The following RTL4 variants were observed in gnomAD, a reference collection of about 807,000 sequenced individuals.
The protein encoded by RTL4 is retrotransposon Gag like 4.
A neutral mutation model predicts 5.3 loss-of-function variants in RTL4; 4 were observed. The observed-to-expected ratio is 0.75, with a 90% confidence interval of 0.37 to 1.72. The LOEUF is 1.72. RTL4 is among the 40% of genes most tolerant of loss of function. The probability of loss-of-function intolerance (pLI) is 0.04; values close to 1 mark genes in which losing one functional copy is unlikely to be tolerated. For missense variants in RTL4, 260 were observed against 227.1 expected (o/e 1.14, Z -0.93); for synonymous variants, 98 against 87.3 (o/e 1.12, Z -0.68).
chrX:112,412,487 G>A, the RTL4 span, among the ~76,000 whole-genome samples: 1 of 111,243 alleles, frequency 9.0e-6, no homozygotes, highest in Admixed American at 9.6e-5. Context: ...AAACAGCATG[G>A]TACCAGCATA....
the RTL4 span, among the ~76,000 whole-genome samples, chrX:112,358,104 T>C: frequency 9.9e-4 from 110 of 110,812 alleles, no homozygotes; most frequent in Non-Finnish European, 4.2e-4. Context: ...TCTTTCTTTT[T>C]TACTTATTTA....
the RTL4 span, among the ~76,000 whole-genome samples, chrX:112,152,260 G>A: frequency 8.9e-6 from 1 of 111,829 alleles, no homozygotes; most frequent in African/African-American, 3.2e-5. Flanking sequence ...AACATTCTAC[G>A]ACTTGAAATG....
chrX:112,302,322 C>T, the RTL4 span, among the ~76,000 whole-genome samples: 1 of 109,917 alleles, frequency 9.1e-6, no homozygotes, highest in African/African-American at 3.3e-5. Context: ...GTTTAAGTCC[C>T]TAGCTCTGGC....
the RTL4 span, among the ~76,000 whole-genome samples, chrX:112,318,018 C>G: frequency 8.9e-6 from 1 of 112,304 alleles, no homozygotes; most frequent in African/African-American, 3.2e-5. Context: ...CAACAACACA[C>G]AGCACTTATT....
chrX:112,227,143 G>T, the RTL4 span, among the ~76,000 whole-genome samples: 1 of 110,739 alleles, frequency 9.0e-6, no homozygotes, highest in Non-Finnish European at 1.9e-5. Flanking sequence ...TTTGGTCAGG[G>T]CTGCCAGCAC....
At chrX:112,117,478 CA>C in the RTL4 span, among the ~76,000 whole-genome samples, 1 of 110,734 alleles carries the variant, frequency 9.0e-6, no homozygotes, top group South Asian at 3.7e-4. Flanking sequence ...ATACCCTTAA[CA>C]TATACTAAGC....
chrX:112,094,091 G>T, the RTL4 span, among the ~76,000 whole-genome samples: 1 of 111,725 alleles, frequency 9.0e-6, no homozygotes, highest in Non-Finnish European at 1.9e-5. Flanking sequence ...TGGTGGGGAA[G>T]AAGAGTAGAA....
chrX:112,389,346 A>C, the RTL4 span, among the ~76,000 whole-genome samples: 2 of 108,447 alleles, frequency 1.8e-5, no homozygotes, highest in Admixed American at 9.8e-5. Context: ...AAAAAAAAAA[A>C]CAACTCCTGG....
the RTL4 span, among the ~76,000 whole-genome samples, chrX:112,376,444 C>G: frequency 1.8e-5 from 2 of 111,307 alleles, no homozygotes; most frequent in Non-Finnish European, 3.8e-5. Flanking sequence ...TAGTTATTTC[C>G]CAAGATCCAG....
the RTL4 span, among the ~76,000 whole-genome samples, chrX:112,099,278 A>T: frequency 8.9e-6 from 1 of 112,030 alleles, no homozygotes; most frequent in African/African-American, 3.2e-5. Flanking sequence ...AGGGAAATAG[A>T]TGCTACGAAA....
At chrX:112,350,500 C>T in the RTL4 span, among the ~76,000 whole-genome samples, 2 of 110,244 alleles carry the variant, frequency 1.8e-5, no homozygotes, top group Non-Finnish European at 3.8e-5. Flanking sequence ...GTCCTGGACT[C>T]TTTTTGGTTG....
At chrX:112,192,809 T>C in the RTL4 span, among the ~76,000 whole-genome samples, 3 of 111,918 alleles carry the variant, frequency 2.7e-5, no homozygotes, top group Middle Eastern at 4.7e-3. Context: ...ATATTGATAC[T>C]ATCTTTTGTA....
upstream of RTL4, among the ~76,000 whole-genome samples, chrX:112,450,315 TG>T (rs1926713834): frequency 1.8e-5 from 2 of 112,468 alleles, no homozygotes; most frequent in East Asian, 2.8e-4. Flanking sequence ...ACCCATTTTT[TG>T]TTTTTGTAGT....
chrX:112,204,387 T>C, the RTL4 span, among the ~76,000 whole-genome samples: 1 of 112,216 alleles, frequency 8.9e-6, no homozygotes, highest in African/African-American at 3.2e-5. Flanking sequence ...TGCAGCACTG[T>C]TCACAATAGC....
At chrX:112,229,137 A>G in the RTL4 span, among the ~76,000 whole-genome samples, 3 of 112,116 alleles carry the variant, frequency 2.7e-5, no homozygotes, top group South Asian at 3.8e-4. Context: ...ATGAGGGATG[A>G]TGTTTTATTA....
chrX:112,393,379 T>A, the RTL4 span, among the ~76,000 whole-genome samples: 7 of 110,031 alleles, frequency 6.4e-5, no homozygotes, highest in African/African-American at 2.3e-4. Context: ...AATCAGCTGG[T>A]GCTCTTCAAA....
At chrX:112,387,618 A>G in the RTL4 span, among the ~76,000 whole-genome samples, 1 of 111,844 alleles carries the variant, frequency 8.9e-6, no homozygotes, top group Admixed American at 9.5e-5. Context: ...GTCCAGCTTC[A>G]TTCTTTTACA....
the RTL4 span, among the ~76,000 whole-genome samples, chrX:112,113,673 A>C: frequency 3.6e-5 from 4 of 111,555 alleles, no homozygotes; most frequent in East Asian, 1.1e-3. Flanking sequence ...GGCCCAGAGA[A>C]CCTTTGTCTT....
At chrX:112,182,723 A>G in the RTL4 span, among the ~76,000 whole-genome samples, 2 of 112,416 alleles carry the variant, frequency 1.8e-5, no homozygotes, top group African/African-American at 6.5e-5. Flanking sequence ...GGGAGAATGG[A>G]ACCAAGTTGG....
Sources: allele counts gnomAD v4.1 joint callset (sites outside exome capture counted in the v4.1 genomes callset), GRCh38; gene constraint gnomAD v4.1.1; transcripts MANE v1.5; gene names NCBI Gene and HGNC (gene_info 2026-07-23, HGNC 2026-07-21).